PCDH7: variants seen among roughly 807,000 people sequenced by gnomAD.
The protein encoded by PCDH7 is protocadherin 7, also known as protocadherin-7.
Under a neutral mutation model 58.9 loss-of-function variants are expected in PCDH7, and 17 were observed. The ratio of observed to expected loss-of-function variants is 0.29; its 90% CI spans 0.20 to 0.43. The LOEUF (loss-of-function observed/expected upper bound fraction) is 0.43. PCDH7 is among the 20% of genes least tolerant of loss of function. The probability of loss-of-function intolerance (pLI) is 1.00; values close to 1 mark genes in which losing one functional copy is unlikely to be tolerated. For missense variants in PCDH7, 1,274 were observed against 1,441.0 expected (o/e 0.88, Z 1.88); for synonymous variants, 664 against 616.4 (o/e 1.08, Z -1.14).
chr4:31,126,904 T>C (rs1484331379), intron 3 of PCDH7, among the ~76,000 whole-genome samples: 1 of 152,176 alleles, frequency 6.6e-6, no homozygotes, highest in Non-Finnish European at 1.5e-5. Context: ...CACTGGCCAA[T>C]ACACAAAGAC....
intron 3 of PCDH7, among the ~76,000 whole-genome samples, chr4:31,068,622 C>T (rs1474080700): frequency 6.6e-6 from 1 of 151,944 alleles, no homozygotes; most frequent in Non-Finnish European, 1.5e-5. Context: ...AAGGTCACAC[C>T]TCAAATGAAG....
At chr4:30,859,478 C>T (rs1401909047) in intron 1 of PCDH7, among the ~76,000 whole-genome samples, 2 of 149,344 alleles carry the variant, frequency 1.3e-5, no homozygotes, top group Non-Finnish European at 3.0e-5. Context: ...TTTACTCTGT[C>T]TCCCAGGCTG....
At chr4:30,915,829 C>A (rs1283115684) in intron 1 of PCDH7, among the ~76,000 whole-genome samples, 1 of 152,020 alleles carries the variant, frequency 6.6e-6, no homozygotes, top group Non-Finnish European at 1.5e-5. Flanking sequence ...GGCCCTCACC[C>A]TTTTTTTCAA....
intron 2 of PCDH7, among the ~76,000 whole-genome samples, chr4:30,945,947 G>A (rs1290743748): frequency 1.3e-5 from 2 of 152,168 alleles, no homozygotes; most frequent in African/African-American, 2.4e-5. Context: ...TTATTAAAAT[G>A]CCCTTTTTGA....
At chr4:30,930,301 G>C (rs1379892696) in intron 2 of PCDH7, among the ~76,000 whole-genome samples, 2 of 152,152 alleles carry the variant, frequency 1.3e-5, no homozygotes, top group African/African-American at 4.8e-5. Context: ...TGAGGAAAAA[G>C]TGGTGCCATT....
At chr4:30,995,483 G>T (rs1361037853) in intron 3 of PCDH7, among the ~76,000 whole-genome samples, 1 of 151,494 alleles carries the variant, frequency 6.6e-6, no homozygotes, top group Non-Finnish European at 1.5e-5. Flanking sequence ...CTGCACTCCA[G>T]CCTGGGCGAC....
intron 2 of PCDH7, among the ~76,000 whole-genome samples, chr4:30,926,149 T>G (rs1743837548): frequency 6.6e-6 from 1 of 151,652 alleles, no homozygotes; most frequent in Non-Finnish European, 1.5e-5. Flanking sequence ...ATTATTTAAA[T>G]AACAATGATA....
chr4:30,721,957 C>A lies in PCDH7; in HGVS notation c.535C>A (p.Arg179Ser), dbSNP rs1267504226. The A allele has an allele frequency of 6.5e-7, 1 of 1,539,318 alleles. No homozygotes were observed. The highest frequency in any genetic ancestry group is 8.7e-7 in the Non-Finnish European group (1 of 1,149,886). Reference sequence around the variant, plus strand: ...CGACTTCGGCCGCAACGGCATCGAGCGCTACGAGCTGCTCCAGGAGCCCGG... The same window carrying A: ...CGACTTCGGCCGCAACGGCATCGAGAGCTACGAGCTGCTCCAGGAGCCCGG... Residue 179 changes from arginine (R) to serine (S), a missense_variant, in exon 1 of 2, where the codon CGC becomes AGC. This residue lies in a region of PCDH7 where 212 missense variants were observed against 255.8 expected (regional missense o/e 0.83). Transcript: ENST00000361762. This position sits in a 1 kb window ranked among gnomAD's most constrained non-coding sequence, Gnocchi z 6.7.
intron 1 of PCDH7, among the ~76,000 whole-genome samples, chr4:30,901,843 C>G (rs560249583): frequency 1.3e-5 from 2 of 152,176 alleles, no homozygotes; most frequent in Admixed American, 1.3e-4. Context: ...ATAAACTGGG[C>G]TATGCTGAAA....
At chr4:30,840,256 T>C (rs541082996) in intron 1 of PCDH7, among the ~76,000 whole-genome samples, 2 of 152,268 alleles carry the variant, frequency 1.3e-5, no homozygotes, top group Non-Finnish European at 2.9e-5. Context: ...TCCACTTGAC[T>C]TTGGTGCCTT....
At chr4:31,127,041 C>T (rs935924673) in intron 3 of PCDH7, among the ~76,000 whole-genome samples, 4 of 152,222 alleles carry the variant, frequency 2.6e-5, no homozygotes, top group Non-Finnish European at 5.9e-5. Context: ...CTATGTGATA[C>T]CCACTTCTGG....
exon 1 of PCDH7, chr4:30,724,092 G>C (rs376057397): frequency 2.2e-5 from 35 of 1,613,864 alleles, no homozygotes; most frequent in Non-Finnish European, 2.7e-5. Flanking sequence ...GCATTATGAC[G>C]GTGATTCTAA....
intron 3 of PCDH7, among the ~76,000 whole-genome samples, chr4:31,021,302 A>G (rs938092948): frequency 2.6e-5 from 4 of 152,188 alleles, no homozygotes; most frequent in African/African-American, 9.6e-5. Flanking sequence ...TATAACTACC[A>G]GAAACTAGAT....
intron 1 of PCDH7, among the ~76,000 whole-genome samples, chr4:30,794,188 C>T (rs1364083844): frequency 1.3e-5 from 2 of 152,144 alleles, no homozygotes; most frequent in Non-Finnish European, 2.9e-5. Flanking sequence ...AAAATGGCCA[C>T]AACGGTTGTG....
chr4:30,913,013 T>A (rs1044969189), intron 1 of PCDH7, among the ~76,000 whole-genome samples: 1 of 150,852 alleles, frequency 6.6e-6, no homozygotes, highest in African/African-American at 2.4e-5. Flanking sequence ...TTTTTAATAT[T>A]ATTATTATAT....
At position 30,784,365 on chromosome 4, in the gene PCDH7, C is replaced by G. The variant is rs1158235586; in HGVS notation, c.70+59769C>G. On this transcript the variant is annotated intron_variant, in intron 1 of 3. Coordinates refer to the PCDH7 transcript ENST00000509759. ...TTAGTGACAGGTGAGTATTAGTACACCATTGCATTTGTTGAGCACATCACA... is the reference window on the plus strand; with the variant it reads ...TTAGTGACAGGTGAGTATTAGTACAGCATTGCATTTGTTGAGCACATCACA... Among the ~76,000 whole-genome samples the G allele has an allele frequency of 2.6e-5, 4 of 152,106 alleles. No individual in the cohort carries two copies. The East Asian group carries it at 7.7e-4, about 29-fold the overall frequency.
chr4:30,883,350 C>T (rs1255643244), intron 1 of PCDH7, among the ~76,000 whole-genome samples: 1 of 152,172 alleles, frequency 6.6e-6, no homozygotes, highest in African/African-American at 2.4e-5. Flanking sequence ...TAGAAAGCTG[C>T]ACACTGCCTC....
chr4:31,088,379 G>A (rs78548360), intron 3 of PCDH7, among the ~76,000 whole-genome samples: 4,751 of 152,114 alleles, frequency 0.031, 112 homozygotes, highest in Middle Eastern at 0.075. Flanking sequence ...GTGAAGAGCA[G>A]CATAGTTATT....
At chr4:30,752,822 G>GAAAAAAAA (rs1160597987) in intron 1 of PCDH7, among the ~76,000 whole-genome samples, 2 of 136,474 alleles carry the variant, frequency 1.5e-5, no homozygotes, top group African/African-American at 5.4e-5. Flanking sequence ...AGAAAAAAAA[G>GAAAAAAAA]AAAAAAAGAA....
Sources: allele counts gnomAD v4.1 joint callset (sites outside exome capture counted in the v4.1 genomes callset), GRCh38; gene constraint gnomAD v4.1.1; regional missense constraint gnomAD v4.1.1; non-coding constraint Gnocchi (gnomAD v3.1); transcripts MANE v1.5; gene names NCBI Gene and HGNC (gene_info 2026-07-23, HGNC 2026-07-21).